KNL1: variants seen among roughly 807,000 people sequenced by gnomAD.
KNL1 encodes outer kinetochore KNL1 complex subunit KNL1.
Under a neutral mutation model 201.3 loss-of-function variants are expected in KNL1, and 66 were observed. The ratio of observed to expected loss-of-function variants is 0.33; its 90% CI spans 0.27 to 0.40. The LOEUF (loss-of-function observed/expected upper bound fraction) is 0.40. Among genes scored for constraint, KNL1 ranks in the 10% least tolerant of loss-of-function variants. The pLI is 1.00. For synonymous variants in KNL1, 895 were observed against 899.2 expected (o/e 1.00, Z 0.08); for missense variants, 2,815 against 2,690.5 (o/e 1.05, Z -1.02).
Position 40,620,960 on chromosome 15 carries a change from T to C in KNL1, c.696T>C (p.Asp232=). The C allele has an allele frequency of 6.2e-7, 1 of 1,606,450 alleles. No individual in the cohort carries two copies. The highest frequency in any genetic ancestry group is 1.3e-5 in the African/African-American group (1 of 74,338). Residue 232 remains aspartate (D), a synonymous_variant, in exon 10 of 26, where the codon GAT becomes GAC. Transcript: ENST00000399668. ...CAGGAAAATGTAGTGCTTTTCCTGA[T>C]GTGCCTGATAAAGAAAATTTTGAGA... ...LKTGKCSAFP[D]VPDKENFEIP...
chr15:40,620,834 C>A lies in KNL1; in HGVS notation c.570C>A (p.Thr190=), dbSNP rs762864730. The A allele has an allele frequency of 1.2e-6, 2 of 1,601,580 alleles. No individual in the cohort carries two copies. Among genetic ancestry groups the A allele is most frequent in the Non-Finnish European group, 1.7e-6 (2 of 1,176,086 alleles). Reference sequence around the variant, plus strand: ...TTCTAGCTAATTTAAAGCTTCACACCGAGGACTCAAGAATGAAAAAAGAAG... The same window carrying A: ...TTCTAGCTAATTTAAAGCTTCACACAGAGGACTCAAGAATGAAAAAAGAAG... ...TSFLANLKLH[T]EDSRMKKEVN... Residue 190 remains threonine (T), a synonymous_variant, in exon 10 of 26, where the codon ACC becomes ACA. Coordinates refer to ENST00000399668, the MANE Select transcript of KNL1 (RefSeq NM_144508.5).
Position 40,625,181 on chromosome 15 carries a change from A to C in KNL1, c.4917A>C (p.Thr1639=). 6.2e-7 allele frequency: 1 copy of C among 1,614,038 alleles called. No homozygotes were observed. Among genetic ancestry groups the C allele is most frequent in the Admixed American group, 1.7e-5 (1 of 59,998 alleles). ...GAETTSLPPK[T]VFKDKVRRCS... is the part of the protein sequence containing the mutation. ...AAACCACCTCTCTACCGCCAAAGACAGTTTTTAAAGATAAAGTAAGGAGAT... is the reference window on the plus strand; with the variant it reads ...AAACCACCTCTCTACCGCCAAAGACCGTTTTTAAAGATAAAGTAAGGAGAT... The change falls in exon 10 of 26, where the codon ACA becomes ACC. Residue 1639 remains threonine, a synonymous_variant. Coordinates refer to ENST00000399668, the MANE Select transcript of KNL1 (RefSeq NM_144508.5).
intron 5 of KNL1, 76 bp from the exon 6 acceptor site, chr15:40,610,169 C>T (rs1892106324): frequency 2.4e-6 from 2 of 820,758 alleles, no homozygotes; most frequent in Non-Finnish European, 4.2e-6. Flanking sequence ...CCTATCTCAA[C>T]ACAGACTATA....
At chr15:40,613,930 T>G (rs1892255466) in intron 7 of KNL1, among the ~76,000 whole-genome samples, 1 of 151,964 alleles carries the variant, frequency 6.6e-6, no homozygotes. Context: ...CCCTAGTAGC[T>G]GGGACTACAG....
Position 40,596,308 on chromosome 15 carries a change from G to T in KNL1, c.-18+1916G>T, listed in dbSNP as rs371923603. Among the ~76,000 whole-genome samples the T allele has an allele frequency of 2.6e-4, 39 of 152,076 alleles. No individual in the cohort carries two copies. The South Asian group carries it at 8.1e-3, about 32-fold the overall frequency. The stretch of plus-strand genomic sequence containing the variant: ...ATTCTTTTTTGTGAGACGGAGTCTC[G>T]CTCTGTCACCCAGGCTGGAGTGCAG... On this transcript the variant is annotated intron_variant, in intron 1 of 25. Coordinates refer to ENST00000399668, the MANE Select transcript of KNL1 (RefSeq NM_144508.5).
chr15:40,652,011 T>C lies in KNL1; in HGVS notation c.6321T>C (p.Ser2107=), dbSNP rs1469051153. 8.1e-6 allele frequency: 13 copies of C among 1,612,216 alleles called. No homozygotes were observed. The highest frequency in any genetic ancestry group is 1.0e-5 in the Non-Finnish European group (12 of 1,178,376). The change falls in exon 21 of 26, where the codon TCT becomes TCC. Residue 2107 remains serine, a synonymous_variant. Coordinates refer to ENST00000399668, the MANE Select transcript of KNL1 (RefSeq NM_144508.5). ...CTTGTTTATCTCTCTACAGCTTGTC[T>C]GAGTGGGATGTCGTTGAGTGGAGTG... ...TEELLDQLSL[S]EWDVVEWSDD... is the part of the protein sequence containing the mutation.
intron 13 of KNL1, among the ~76,000 whole-genome samples, chr15:40,636,622 A>C (rs1331704106): frequency 6.6e-6 from 1 of 152,088 alleles, no homozygotes; most frequent in African/African-American, 2.4e-5. Context: ...TGAGGTCAGG[A>C]GTTCAAGACC....
At chr15:40,615,988 A>C (rs1348925363) in intron 8 of KNL1, 1 of 126 alleles carries the variant, frequency 7.9e-3, no homozygotes, top group African/African-American at 0.042. Context: ...GCTGGTCTCG[A>C]ACTGCTACCC....
intron 16 of KNL1, 31 bp from the exon 17 acceptor site, chr15:40,646,955 TA>T (rs775953470): frequency 1.1e-6 from 1 of 932,008 alleles, no homozygotes; most frequent in Non-Finnish European, 1.8e-6. Context: ...TTTAGAGGTT[TA>T]ACTTGACAGT....
chr15:40,603,013 A>C lies in KNL1; in HGVS notation c.35+47A>C, dbSNP rs758241193. ...AAAAATATTATATTCTATCAGAGAA[A>C]GATATTTTTCTAATTAGTAAGACCT... On this transcript the variant is annotated intron_variant, in intron 2 of 25. Coordinates refer to ENST00000399668, the MANE Select transcript of KNL1 (RefSeq NM_144508.5). 3 of 1,299,730 alleles carry C rather than the reference A, an allele frequency of 2.3e-6. No individual in the cohort carries two copies. The South Asian group carries it at 3.8e-5, about 16-fold the overall frequency. The allele number at this position is 1,299,730 out of a possible 1,614,324, so 80.5% of individuals were successfully genotyped here.
rs1892541995 is a variant in KNL1, at chr15:40,621,830, T to G, written c.1566T>G (p.Asn522Lys). 1 of 1,614,000 alleles carries G rather than the reference T, an allele frequency of 6.2e-7. No homozygotes were observed. Among genetic ancestry groups the G allele is most frequent in the Non-Finnish European group, 8.5e-7 (1 of 1,179,920 alleles). ...CCGAAAAAGAAATGATGCTCCAAAA[T>G]CTTATGACCACATCAGAAGATGGGA... Reference protein sequence around the residue: ...PTPEKEMMLQNLMTTSEDGKM... With the variant: ...PTPEKEMMLQKLMTTSEDGKM... Residue 522 changes from asparagine to lysine, a missense_variant, in exon 10 of 26, where the codon AAT becomes AAG. Asn to Lys is a moderately conservative substitution (Grantham distance 94, BLOSUM62 0). Around this residue, in one of 3 missense-constraint regions of KNL1, gnomAD observed 2,464 missense variants for 2,291.7 expected, o/e 1.08. Transcript: ENST00000399668.
At chr15:40,661,842 A>C (rs1164134248) in intron 25 of KNL1, among the ~76,000 whole-genome samples, 1 of 152,120 alleles carries the variant, frequency 6.6e-6, no homozygotes, top group Non-Finnish European at 1.5e-5. Flanking sequence ...GGAGATCGAG[A>C]CCATCCTGAG....
intron 15 of KNL1, 41 bp downstream of exon 15, chr15:40,645,128 A>G (rs1474827496): frequency 1.5e-6 from 2 of 1,292,062 alleles, no homozygotes; most frequent in Non-Finnish European, 1.1e-6. Flanking sequence ...CAGTGAAGAC[A>G]TTCTGAACGA....
intron 4 of KNL1, among the ~76,000 whole-genome samples, chr15:40,607,653 T>A (rs1426242065): frequency 6.6e-6 from 1 of 152,178 alleles, no homozygotes; most frequent in Non-Finnish European, 1.5e-5. Context: ...TTGCTCTTGT[T>A]AAAGAAGGTG....
chr15:40,620,599 T>C, intron 9 of KNL1, 41 bp from the exon 10 acceptor site: 1 of 1,332,942 alleles, frequency 7.5e-7, no homozygotes, highest in South Asian at 1.7e-5. Context: ...TTTTAAAAGT[T>C]TGCTTTTGTT....
At chr15:40,617,779 G>A (rs541232328) in intron 8 of KNL1, among the ~76,000 whole-genome samples, 3 of 152,034 alleles carry the variant, frequency 2.0e-5, no homozygotes, top group South Asian at 4.2e-4. Context: ...TACCCCATAG[G>A]CAGTGTGCTC....
chr15:40,626,929 C>T (rs1276481203), intron 10 of KNL1, among the ~76,000 whole-genome samples: 1 of 152,138 alleles, frequency 6.6e-6, no homozygotes, highest in African/African-American at 2.4e-5. Flanking sequence ...AAGTCTTGCT[C>T]TGTTGCCCAG....
At chr15:40,595,175 C>T (rs1891587321) in intron 1 of KNL1, among the ~76,000 whole-genome samples, 1 of 152,204 alleles carries the variant, frequency 6.6e-6, no homozygotes. Flanking sequence ...TCCGTCGAAT[C>T]CTGTAGATAT....
chr15:40,600,070 G>A (rs1462858481), intron 1 of KNL1, among the ~76,000 whole-genome samples: 1 of 136,074 alleles, frequency 7.3e-6, no homozygotes, highest in Non-Finnish European at 1.5e-5. Flanking sequence ...ATTTATTTGG[G>A]ATTCCTTTTT....
Sources: allele counts gnomAD v4.1 joint callset (sites outside exome capture counted in the v4.1 genomes callset), GRCh38; gene constraint gnomAD v4.1.1; regional missense constraint gnomAD v4.1.1; transcripts MANE v1.5; gene names NCBI Gene and HGNC (gene_info 2026-07-23, HGNC 2026-07-21).